RNF150: variants seen among roughly 807,000 people sequenced by gnomAD.
The protein encoded by RNF150 is ring finger protein 150.
Under a neutral mutation model 39.3 loss-of-function variants are expected in RNF150, and 24 were observed. The ratio of observed to expected loss-of-function variants is 0.61; its 90% CI spans 0.44 to 0.86. The LOEUF (loss-of-function observed/expected upper bound fraction) is 0.86, where lower values mean the gene tolerates loss of function less well. RNF150 is among the 40% of genes least tolerant of loss of function. RNF150 has a pLI of 0.00. For synonymous variants in RNF150, 255 were observed against 227.3 expected (o/e 1.12, Z -1.10); for missense variants, 502 against 587.8 (o/e 0.85, Z 1.51).
intron 4 of RNF150, chr4:140,944,561 TA>T (rs772021624): frequency 4.1e-4 from 62 of 152,206 alleles, no homozygotes; most frequent in Non-Finnish European, 6.3e-4. Context: ...CATTTATTAA[TA>T]ATTCATCATA....
chr4:141,102,061 T>C (rs1739031739), intron 1 of RNF150, among the ~76,000 whole-genome samples: 1 of 152,082 alleles, frequency 6.6e-6, no homozygotes, highest in East Asian at 1.9e-4. Flanking sequence ...GGATTACAGG[T>C]GTCAGCCACT....
At chr4:140,911,949 C>T (rs874775) in intron 5 of RNF150, among the ~76,000 whole-genome samples, 67,412 of 151,984 alleles carry the variant, frequency 0.44, 15,303 homozygotes, top group East Asian at 0.72. Flanking sequence ...GTCCTTAATA[C>T]GGTATTGATC....
intron 4 of RNF150, among the ~76,000 whole-genome samples, chr4:140,941,119 C>T (rs1427643871): frequency 6.6e-6 from 1 of 152,050 alleles, no homozygotes; most frequent in Non-Finnish European, 1.5e-5. Flanking sequence ...AGAGATGGGG[C>T]TAAAAAACAC....
In RNF150 at chr4:141,133,217, C is replaced by T. The variant is rs1726955712; in HGVS notation, c.-409G>A. The T allele has an allele frequency of 4.4e-6, 1 of 228,398 alleles. No homozygotes were observed. Among genetic ancestry groups the T allele is most frequent in the Non-Finnish European group, 8.5e-6 (1 of 117,746 alleles). The allele number at this position is 228,398 out of a possible 1,614,324, so 14.1% of individuals were successfully genotyped here. ...GCCCCGGCGGGGACGGGCACGATTG[C>T]TCGTAGTCTGGGGTGCTGCGGTGCG... On this transcript the variant is annotated 5_prime_UTR_variant, in exon 1 of 7. Transcript: ENST00000515673.
intron 1 of RNF150, among the ~76,000 whole-genome samples, chr4:141,180,302 A>G (rs1441347164): frequency 6.6e-6 from 1 of 152,172 alleles, no homozygotes; most frequent in African/African-American, 2.4e-5. Context: ...GAGAGCTTAC[A>G]CCGCATTCCC....
At chr4:141,146,997 T>G (rs1727215873) in intron 1 of RNF150, among the ~76,000 whole-genome samples, 1 of 152,200 alleles carries the variant, frequency 6.6e-6, no homozygotes, top group African/African-American at 2.4e-5. Flanking sequence ...TGTCTTGCTC[T>G]GTCACCCAGG....
At chr4:141,021,737 C>T (rs1735498797) in intron 1 of RNF150, among the ~76,000 whole-genome samples, 1 of 152,212 alleles carries the variant, frequency 6.6e-6, no homozygotes, top group Non-Finnish European at 1.5e-5. Flanking sequence ...CTCCCCAGCA[C>T]AGGCCCTTGA....
chr4:141,130,645 C>G (rs1053890189), intron 1 of RNF150, among the ~76,000 whole-genome samples: 1 of 152,142 alleles, frequency 6.6e-6, no homozygotes, highest in Non-Finnish European at 1.5e-5. Context: ...TGCATATGCA[C>G]AGAGAAACAA....
chr4:141,116,426 A>G (rs1033804963), intron 1 of RNF150, among the ~76,000 whole-genome samples: 2 of 152,246 alleles, frequency 1.3e-5, no homozygotes, highest in Non-Finnish European at 2.9e-5. Flanking sequence ...AATGCAAATC[A>G]AAACCACGAT....
At chr4:141,038,690 CAA>C (rs146987858) in intron 1 of RNF150, among the ~76,000 whole-genome samples, 1 of 136,558 alleles carries the variant, frequency 7.3e-6, no homozygotes. Flanking sequence ...GACCCTCCCT[CAA>C]AAAAAAAAAA....
chr4:140,986,631 T>C (rs1357097776), intron 1 of RNF150, among the ~76,000 whole-genome samples: 1 of 152,064 alleles, frequency 6.6e-6, no homozygotes, highest in Non-Finnish European at 1.5e-5. Context: ...TCATGGTAGA[T>C]GAAGACTTAA....
chr4:141,087,035 CATAG>C, intron 1 of RNF150, among the ~76,000 whole-genome samples: 1 of 151,916 alleles, frequency 6.6e-6, no homozygotes, highest in Non-Finnish European at 1.5e-5. Context: ...AAGTTTTTTA[CATAG>C]ATAAACATGT....
chr4:140,963,306 T>C (rs1382446304), intron 2 of RNF150, among the ~76,000 whole-genome samples: 2 of 152,062 alleles, frequency 1.3e-5, no homozygotes, highest in Non-Finnish European at 2.9e-5. Context: ...AGAAAATTTC[T>C]ACCAATACTT....
Position 140,920,205 on chromosome 4 carries a change from A to G in RNF150, c.987+5772T>C, listed in dbSNP as rs1578966363. Among the ~76,000 whole-genome samples, 6 of 149,850 alleles carry G rather than the reference A, an allele frequency of 4.0e-5. 2 individuals are homozygous for G. The highest frequency in any genetic ancestry group is 1.5e-4 in the African/African-American group (6 of 40,718). On this transcript the variant is annotated intron_variant, in intron 5 of 6. Transcript: ENST00000515673. Reference sequence around the variant, plus strand: ...GACAAATGGGATCTAATTGAACTAAAGAGCTTCTGCACAGTGAAAGAAACT... The same window carrying G: ...GACAAATGGGATCTAATTGAACTAAGGAGCTTCTGCACAGTGAAAGAAACT...
At chr4:141,085,388 G>A (rs138603655) in intron 1 of RNF150, among the ~76,000 whole-genome samples, 270 of 152,318 alleles carry the variant, frequency 1.8e-3, no homozygotes, top group African/African-American at 6.2e-3. Flanking sequence ...CATATCAGGG[G>A]CGTAGCCACC....
chr4:141,201,097 T>G (rs1728283126), intron 1 of RNF150, among the ~76,000 whole-genome samples: 6 of 151,814 alleles, frequency 4.0e-5, no homozygotes, highest in Admixed American at 3.3e-4. Context: ...ATTTCAGATC[T>G]TTACCAATCT....
intron 1 of RNF150, among the ~76,000 whole-genome samples, chr4:141,126,670 C>A (rs954456496): frequency 2.6e-5 from 4 of 152,152 alleles, no homozygotes; most frequent in African/African-American, 9.7e-5. Context: ...GGTACTCTTT[C>A]CACTGGGAAA....
At chr4:141,088,245 C>T (rs1051689505) in intron 1 of RNF150, among the ~76,000 whole-genome samples, 5 of 152,194 alleles carry the variant, frequency 3.3e-5, no homozygotes, top group African/African-American at 7.2e-5. Flanking sequence ...CTCGGCCCCC[C>T]GGCATATACA....
intron 6 of RNF150, among the ~76,000 whole-genome samples, chr4:140,886,319 G>C (rs1729576567): frequency 6.6e-6 from 1 of 151,966 alleles, no homozygotes; most frequent in Admixed American, 6.5e-5. Context: ...GTGCATACAA[G>C]TGTGTATGTG....
Sources: gnomAD v4.1 joint callset for allele counts (sites outside exome capture counted in the v4.1 genomes callset) on GRCh38, gnomAD v4.1.1 for gene constraint, MANE v1.5 for transcripts, NCBI Gene and HGNC (gene_info 2026-07-23, HGNC 2026-07-21) for gene names.